SYNE1: variants seen among roughly 807,000 people sequenced by gnomAD.
SYNE1 encodes the protein nesprin-1.
SYNE1 carries 616 observed loss-of-function variants against 1,111.0 expected under a neutral mutation model. That is an observed-to-expected ratio of 0.55 (90% CI 0.52 to 0.59). SYNE1 has a LOEUF of 0.59. Among genes scored for constraint, SYNE1 ranks in the 20% least tolerant of loss-of-function variants. The pLI is 0.00. For synonymous variants in SYNE1, 3,855 were observed against 3,825.8 expected (o/e 1.01, Z -0.28); for missense variants, 10,006 against 10,417.0 (o/e 0.96, Z 1.72).
At chr6:152,523,975 C>A (rs1433591340) in intron 5 of SYNE1, among the ~76,000 whole-genome samples, 1 of 151,996 alleles carries the variant, frequency 6.6e-6, no homozygotes, top group Non-Finnish European at 1.5e-5. Context: ...TTCTAGGTAT[C>A]CAATCACATC....
At chr6:152,311,922 C>G (rs1411917889) in intron 87 of SYNE1, among the ~76,000 whole-genome samples, 1 of 151,924 alleles carries the variant, frequency 6.6e-6, no homozygotes, top group Non-Finnish European at 1.5e-5. Context: ...ACTACACGCA[C>G]CCAGGTGCCC....
At chr6:152,554,759 T>A (rs902449779) in intron 3 of SYNE1, among the ~76,000 whole-genome samples, 5 of 152,200 alleles carry the variant, frequency 3.3e-5, no homozygotes, top group African/African-American at 4.8e-5. Context: ...CTCCTGAATA[T>A]GATACCATTT....
At chr6:152,489,475 T>TTTTTC (rs57994985) in intron 11 of SYNE1, among the ~76,000 whole-genome samples, 2 of 150,024 alleles carry the variant, frequency 1.3e-5, no homozygotes, top group Non-Finnish European at 3.0e-5. Flanking sequence ...TTTTTTTTTT[T>TTTTTC]CGTTAACCTC....
chr6:152,485,997 T>A (rs2098937187), intron 12 of SYNE1, among the ~76,000 whole-genome samples: 1 of 151,970 alleles, frequency 6.6e-6, no homozygotes, highest in African/African-American at 2.4e-5. Flanking sequence ...GAGATTGAGA[T>A]CATCCTGGCC....
chr6:152,427,950 G>T, intron 37 of SYNE1, 134 bp from the exon 38 acceptor site: 2 of 1,319,404 alleles, frequency 1.5e-6, no homozygotes, highest in Non-Finnish European at 2.1e-6. Flanking sequence ...AGATATGCCA[G>T]CACAAAAATC....
intron 3 of SYNE1, among the ~76,000 whole-genome samples, chr6:152,595,799 TCA>T (rs1203542816): frequency 6.6e-6 from 1 of 152,104 alleles, no homozygotes; most frequent in African/African-American, 2.4e-5. Context: ...AACTTCAAGG[TCA>T]CACAGCTGCC....
intron 14 of SYNE1, 149 bp from the exon 15 acceptor site, chr6:152,472,562 G>A: frequency 1.3e-6 from 1 of 747,478 alleles, no homozygotes; most frequent in Non-Finnish European, 2.4e-6. Flanking sequence ...GCCTGTCAAA[G>A]GCTCTTACCT....
At chr6:152,586,091 A>G (rs2099537751) in intron 3 of SYNE1, among the ~76,000 whole-genome samples, 1 of 152,182 alleles carries the variant, frequency 6.6e-6, no homozygotes, top group Non-Finnish European at 1.5e-5. Context: ...CTGAGTATAT[A>G]TATGTCTAAA....
chr6:152,590,729 C>T (rs924320648), intron 3 of SYNE1, among the ~76,000 whole-genome samples: 2 of 152,142 alleles, frequency 1.3e-5, no homozygotes, highest in African/African-American at 4.8e-5. Flanking sequence ...ACCTCCACTC[C>T]ATTGCTTATG....
chr6:152,186,094 A>G (rs1453397100), intron 128 of SYNE1, among the ~76,000 whole-genome samples: 1 of 152,212 alleles, frequency 6.6e-6, no homozygotes, highest in Non-Finnish European at 1.5e-5. Flanking sequence ...AAGTCCTCAT[A>G]TTCTTGGAAT....
intron 121 of SYNE1, among the ~76,000 whole-genome samples, chr6:152,216,751 A>T (rs559170596): frequency 6.6e-6 from 1 of 152,294 alleles, no homozygotes; most frequent in East Asian, 1.9e-4. Flanking sequence ...TACTTGATTG[A>T]ATATTTAAAA....
intron 133 of SYNE1, among the ~76,000 whole-genome samples, chr6:152,152,813 G>GC (rs1485068850): frequency 6.6e-6 from 1 of 152,078 alleles, no homozygotes; most frequent in African/African-American, 2.4e-5. Context: ...GATTTAATTA[G>GC]TTTTTATAAA....
At chr6:152,231,044 C>A (rs535277652) in intron 114 of SYNE1, among the ~76,000 whole-genome samples, 1 of 152,050 alleles carries the variant, frequency 6.6e-6, no homozygotes, top group Non-Finnish European at 1.5e-5. Context: ...ATGCAGCCCG[C>A]GGGCTGGGCA....
chr6:152,286,158 A>G (rs2094316605), intron 95 of SYNE1, among the ~76,000 whole-genome samples: 2 of 152,186 alleles, frequency 1.3e-5, no homozygotes, highest in African/African-American at 4.8e-5. Context: ...TAAATAAACT[A>G]TTAATATTAT....
At chr6:152,395,908 T>C (rs988195039) in intron 50 of SYNE1, among the ~76,000 whole-genome samples, 12 of 152,224 alleles carry the variant, frequency 7.9e-5, no homozygotes, top group African/African-American at 2.9e-4. Context: ...TCATCTCACC[T>C]AGCTGAACTG....
In SYNE1 at chr6:152,396,818, T is replaced by C; in HGVS notation, c.7513A>G (p.Lys2505Glu). The C allele has an allele frequency of 6.2e-7, 1 of 1,614,222 alleles. No homozygotes were observed. The highest frequency in any genetic ancestry group is 1.1e-5 in the South Asian group (1 of 91,088). Residue 2505 changes from lysine (K) to glutamate (E), a missense_variant, in exon 50 of 146, where the codon AAA becomes GAA. Lys to Glu is a moderately conservative substitution (Grantham distance 56, BLOSUM62 1). Around this residue, in one of 7 missense-constraint regions of SYNE1, gnomAD observed 4,955 missense variants for 5,017.2 expected, o/e 0.99. Coordinates refer to ENST00000367255, the MANE Select transcript of SYNE1 (RefSeq NM_182961.4). ...EFQAFLKQCL[K>E]DKQALQDCAS... ...CAGTCTTGAAGAGCCTGCTTATCTT[T>C]AAGGCATTGTTTCAGAAATGCTTGA...
At chr6:152,453,453 A>T in intron 25 of SYNE1, 133 bp downstream of exon 25, 1 of 1,331,976 alleles carries the variant, frequency 7.5e-7, no homozygotes, top group Non-Finnish European at 1.1e-6. Flanking sequence ...CAGTTTTTTG[A>T]GTTTTTAAAT....
At position 152,308,819 on chromosome 6, in the gene SYNE1, G is replaced by T. The variant is rs147701040; in HGVS notation, c.17203-187C>A. ...TATTTCAGAACTTTCTCTCTAAAAT[G>T]TTGTAGCAAAATTATTGATGGAATC... On this transcript the variant is annotated intron_variant, in intron 90 of 145. Coordinates refer to ENST00000367255, the MANE Select transcript of SYNE1 (RefSeq NM_182961.4). 9.9e-3 allele frequency among the ~76,000 whole-genome samples: 1,507 copies of T among 152,222 alleles called. 12 individuals carry two copies. Among genetic ancestry groups the T allele is most frequent in the Non-Finnish European group, 0.016 (1,111 of 68,006 alleles).
rs192734406 is a variant in SYNE1, at chr6:152,164,268, G to A, written c.23685C>T (p.Ser7895=). The change falls in exon 131 of 146, where the codon AGC becomes AGT. Residue 7895 remains serine (S), a synonymous_variant. Transcript: ENST00000367255. The part of the protein sequence containing the change: ...VAVQQLDKNM[S]SLRTWLAHIE... ...TGTGAGCGAGCCAGGTCCTCAGGCT[G>A]CTCATGTTCTTATCAAGCTGCTGCA... 3 of 1,614,168 alleles carry A rather than the reference G, an allele frequency of 1.9e-6. No individual in the cohort carries two copies. Among genetic ancestry groups the A allele is most frequent in the Middle Eastern group, 1.6e-4 (1 of 6,062 alleles).
Sources: gnomAD v4.1 joint callset for allele counts (sites outside exome capture counted in the v4.1 genomes callset) on GRCh38, gnomAD v4.1.1 for gene constraint, gnomAD v4.1.1 regional missense constraint, MANE v1.5 for transcripts, NCBI Gene and HGNC (gene_info 2026-07-23, HGNC 2026-07-21) for gene names.